The following ARHGEF4 variants were observed in gnomAD, a reference collection of about 807,000 sequenced individuals.
The protein encoded by ARHGEF4 is APC-stimulated guanine nucleotide exchange factor 1.
Under a neutral mutation model 162.0 loss-of-function variants are expected in ARHGEF4, and 119 were observed. That is an observed-to-expected ratio of 0.73 (90% CI 0.63 to 0.86). The LOEUF is 0.86. ARHGEF4 is among the 40% of genes least tolerant of loss of function. The pLI is 0.00. For missense variants in ARHGEF4, 2,488 were observed against 2,456.0 expected, an observed-to-expected ratio of 1.01 and a Z score of -0.28; for synonymous variants, 1,014 against 979.9, an observed-to-expected ratio of 1.03 and a Z score of -0.65.
intron 5 of ARHGEF4, among the ~76,000 whole-genome samples, chr2:131,037,861 C>A (rs1573690663): frequency 1.8e-5 from 2 of 111,854 alleles, no homozygotes; most frequent in African/African-American, 9.2e-5. Flanking sequence ...GGTAACACTG[C>A]ATAAGAGCAG....
At chr2:130,973,940 T>C (rs1012680342) in intron 4 of ARHGEF4, among the ~76,000 whole-genome samples, 2 of 152,124 alleles carry the variant, frequency 1.3e-5, no homozygotes, top group African/African-American at 4.8e-5. Context: ...TTGTCTGTTG[T>C]CTGTTATCAG....
intron 1 of ARHGEF4, among the ~76,000 whole-genome samples, chr2:130,908,244 T>C (rs1680955647): frequency 6.6e-6 from 1 of 152,250 alleles, no homozygotes; most frequent in Non-Finnish European, 1.5e-5. Flanking sequence ...TTGACTTGAC[T>C]CTCAGTTTAG....
At chr2:131,003,897 G>T (rs1185174230) in intron 4 of ARHGEF4, among the ~76,000 whole-genome samples, 2 of 152,128 alleles carry the variant, frequency 1.3e-5, no homozygotes, top group African/African-American at 4.8e-5. Context: ...TAACGACCTG[G>T]AAATATTTAT....
At chr2:131,025,482 C>T (rs557016697) in intron 4 of ARHGEF4, among the ~76,000 whole-genome samples, 1 of 152,182 alleles carries the variant, frequency 6.6e-6, no homozygotes, top group African/African-American at 2.4e-5. Flanking sequence ...CTCTGCCAGG[C>T]CTTTGGGCTC....
intron 2 of ARHGEF4, among the ~76,000 whole-genome samples, chr2:130,922,825 G>T (rs1186279293): frequency 6.6e-6 from 1 of 151,576 alleles, no homozygotes; most frequent in Non-Finnish European, 1.5e-5. Flanking sequence ...TTGTTTTGGG[G>T]TTGTCTTTCT....
chr2:130,923,001 G>C (rs1029593143), intron 2 of ARHGEF4, among the ~76,000 whole-genome samples: 3 of 151,530 alleles, frequency 2.0e-5, no homozygotes, highest in African/African-American at 7.3e-5. Context: ...CACAATCTTG[G>C]CTCAGTGCAA....
chr2:130,888,056 T>A (rs1679627843), intron 1 of ARHGEF4, among the ~76,000 whole-genome samples: 1 of 152,156 alleles, frequency 6.6e-6, no homozygotes, highest in South Asian at 2.1e-4. Context: ...ACCTATTGGC[T>A]TTGTTGATCC....
At chr2:130,845,262 G>A (rs563483905) in intron 1 of ARHGEF4, among the ~76,000 whole-genome samples, 130 of 149,982 alleles carry the variant, frequency 8.7e-4, no homozygotes, top group African/African-American at 3.1e-3. Flanking sequence ...GCTCACACCT[G>A]TAATCCCAGC....
intron 4 of ARHGEF4, among the ~76,000 whole-genome samples, chr2:130,994,867 G>A (rs1476895780): frequency 2.0e-5 from 3 of 152,158 alleles, no homozygotes; most frequent in Admixed American, 6.5e-5. Context: ...CCATTACATT[G>A]TGTTCTGATT....
chr2:130,921,220 G>C (rs564281428), intron 2 of ARHGEF4, among the ~76,000 whole-genome samples: 13 of 152,320 alleles, frequency 8.5e-5, no homozygotes, highest in East Asian at 5.8e-4. Flanking sequence ...TCATCCTGTG[G>C]ACTGGGTGCG....
At chr2:131,034,152 A>T (rs73000361) in intron 5 of ARHGEF4, among the ~76,000 whole-genome samples, 4,936 of 152,194 alleles carry the variant, frequency 0.032, 261 homozygotes, top group African/African-American at 0.11. Context: ...GTCTGCACAC[A>T]TTCCCTCTGT....
intron 1 of ARHGEF4, among the ~76,000 whole-genome samples, chr2:130,844,663 C>G (rs960545875): frequency 6.6e-6 from 1 of 152,082 alleles, no homozygotes; most frequent in African/African-American, 2.4e-5. Context: ...CCATAGAGCT[C>G]TGTGCCCTGG....
chr2:130,999,518 ATCT>A (rs1045765768), intron 4 of ARHGEF4, among the ~76,000 whole-genome samples: 5 of 152,210 alleles, frequency 3.3e-5, no homozygotes, highest in African/African-American at 1.2e-4. Context: ...TGTTTTGTAA[ATCT>A]TCTCTTTCAG....
chr2:130,905,007 A>G (rs1430888594), intron 1 of ARHGEF4, among the ~76,000 whole-genome samples: 2 of 152,226 alleles, frequency 1.3e-5, no homozygotes, highest in Non-Finnish European at 2.9e-5. Flanking sequence ...TGAACATCGG[A>G]GGCAGAGGTT....
rs1169358392 is a variant in ARHGEF4, at chr2:130,915,262, C to G, written c.1316C>G (p.Ala439Gly). 2 of 1,550,466 alleles carry G rather than the reference C, an allele frequency of 1.3e-6. No homozygotes were observed. Among genetic ancestry groups the G allele is most frequent in the African/African-American group, 2.7e-5 (2 of 73,024 alleles). Residue 439 changes from alanine (A) to glycine (G), a missense_variant, in exon 2 of 14, where the codon GCT (alanine) becomes GGT (glycine). By Grantham distance (60) the Ala-to-Gly change is moderately conservative. This residue lies in a region of ARHGEF4 where 1,642 missense variants were observed against 1,481.5 expected (regional missense o/e 1.11). Transcript: ENST00000409359. ...CAGGATTCCAGGTCATGTCTGGTGG[C>G]TTCATGCCTCACCTCAGAGTTAGTG... ...LRQDSRSCLV[A>G]SCLTSELVKL...
intron 3 of ARHGEF4, among the ~76,000 whole-genome samples, chr2:130,936,698 C>A (rs77819976): frequency 0.014 from 2,125 of 152,046 alleles, 56 homozygotes; most frequent in African/African-American, 0.048. Flanking sequence ...TTGCTGATTT[C>A]AAGATTCACT....
In ARHGEF4 at chr2:130,915,302, G is replaced by C. The variant is rs1236507102; in HGVS notation, c.1356G>C (p.Glu452Asp). 3 of 1,550,556 alleles carry C rather than the reference G, an allele frequency of 1.9e-6. No individual in the cohort carries two copies. In the African/African-American group the frequency reaches 4.1e-5, roughly 21 times the overall value. Reference sequence around the variant, plus strand: ...CAGAGTTAGTGAAGCTCAGTGCAGAGGAAGTGCCTGAGCCCGCTGAGTGCA... The same window carrying C: ...CAGAGTTAGTGAAGCTCAGTGCAGACGAAGTGCCTGAGCCCGCTGAGTGCA... The part of the protein sequence containing the change: ...LTSELVKLSA[E>D]EVPEPAECKS... Residue 452 changes from glutamate (E) to aspartate (D), a missense_variant, in exon 2 of 14, where the codon GAG becomes GAC. Coordinates refer to ENST00000409359, the MANE Select transcript of ARHGEF4 (RefSeq NM_001367493.1).
chr2:130,981,327 A>AT (rs1242868540), intron 4 of ARHGEF4, among the ~76,000 whole-genome samples: 1 of 152,268 alleles, frequency 6.6e-6, no homozygotes, highest in African/African-American at 2.4e-5. Flanking sequence ...CATCAGTTTT[A>AT]TATCTACGCA....
At chr2:130,849,982 G>A (rs1386054751) in intron 1 of ARHGEF4, among the ~76,000 whole-genome samples, 1 of 152,224 alleles carries the variant, frequency 6.6e-6, no homozygotes, top group Admixed American at 6.5e-5. Flanking sequence ...CCTTGACTTA[G>A]TGGCATCTTT....
Sources: gnomAD v4.1 joint callset for allele counts (sites outside exome capture counted in the v4.1 genomes callset) on GRCh38, gnomAD v4.1.1 for gene constraint, gnomAD v4.1.1 regional missense constraint, MANE v1.5 for transcripts, NCBI Gene and HGNC (gene_info 2026-07-23, HGNC 2026-07-21) for gene names.